Variants in TPP2 observed in about 807,000 individuals in gnomAD.
TPP2 encodes tripeptidyl peptidase 2, also known as tripeptidyl-peptidase 2.
A neutral mutation model predicts 155.9 loss-of-function variants in TPP2; 34 were observed. The ratio of observed to expected loss-of-function variants is 0.22; its 90% CI spans 0.17 to 0.29. The LOEUF (loss-of-function observed/expected upper bound fraction) is 0.29, where lower values mean the gene tolerates loss of function less well. Ranked by LOEUF, TPP2 falls within the 10% of genes least tolerant of loss-of-function variation. The pLI, the probability that TPP2 is intolerant of heterozygous loss-of-function variation, is 1.00. For synonymous variants in TPP2, 510 were observed against 529.4 expected (o/e 0.96, Z 0.50); for missense variants, 1,028 against 1,522.3 (o/e 0.68, Z 5.40).
chr13:102,609,593 C>T (rs1880117787), intron 2 of TPP2, among the ~76,000 whole-genome samples: 1 of 151,906 alleles, frequency 6.6e-6, no homozygotes, highest in Non-Finnish European at 1.5e-5. Flanking sequence ...GACAGGGTTT[C>T]ACCATGTTGG....
chr13:102,673,043 C>G (rs940665442), intron 27 of TPP2, among the ~76,000 whole-genome samples: 4 of 152,206 alleles, frequency 2.6e-5, no homozygotes, highest in Non-Finnish European at 5.9e-5. Flanking sequence ...CATTGCCTCC[C>G]TGCCCACTTT....
At chr13:102,614,005 T>C (rs933603203) in intron 2 of TPP2, 96 bp from the exon 3 acceptor site, 130 of 1,014,130 alleles carry the variant, frequency 1.3e-4, no homozygotes, top group Non-Finnish European at 1.8e-4. Context: ...TTTAAGCTTA[T>C]TAGAGTAGAA....
In TPP2 at chr13:102,620,439, A is replaced by T. The variant is rs1462405213; in HGVS notation, c.620+1593A>T. 2.0e-5 allele frequency among the ~76,000 whole-genome samples: 3 copies of T among 152,178 alleles called. No individual in the cohort carries two copies. In the East Asian group the frequency reaches 5.8e-4, roughly 29 times the overall value. ...TTTTTTGCATAATACAGTATATCCTATAGGGCTTTGATCTCAGAGATCCAA... is the reference window on the plus strand; with the variant it reads ...TTTTTTGCATAATACAGTATATCCTTTAGGGCTTTGATCTCAGAGATCCAA... On this transcript the variant is annotated intron_variant, in intron 5 of 29. Transcript: ENST00000376052.
chr13:102,628,027 G>A, intron 8 of TPP2, 103 bp downstream of exon 8: 1 of 892,870 alleles, frequency 1.1e-6, no homozygotes, highest in Non-Finnish European at 1.7e-6. Flanking sequence ...AGAAAGAACA[G>A]TTGCAGTGGT....
chr13:102,630,050 G>T lies in TPP2; in HGVS notation c.1145-46G>T, dbSNP rs528924185. On this transcript the variant is annotated intron_variant, in intron 9 of 29. Transcript: ENST00000376052. ...AAGTGAACAGTGGATTTGGAATCAGGATCCCCGTTTGTTTTCTTTTCTTAA... is the reference window on the plus strand; with the variant it reads ...AAGTGAACAGTGGATTTGGAATCAGTATCCCCGTTTGTTTTCTTTTCTTAA... 72 of 1,529,702 alleles carry T rather than the reference G, an allele frequency of 4.7e-5. No individual in the cohort carries two copies. The South Asian group carries it at 6.2e-4, about 13-fold the overall frequency. 94.8% of individuals were successfully genotyped at this position (1,529,702 alleles called of 1,614,324 possible). A position where few individuals can be genotyped will look rare whatever the true frequency, so the allele number is the denominator to read the frequency against.
chr13:102,614,357 T>C (rs1361318999), intron 3 of TPP2, among the ~76,000 whole-genome samples, 161 bp downstream of exon 3: 3 of 152,224 alleles, frequency 2.0e-5, no homozygotes, highest in Non-Finnish European at 4.4e-5. Flanking sequence ...AAGATTCTGC[T>C]CAATGGAATG....
intron 29 of TPP2, among the ~76,000 whole-genome samples, chr13:102,676,628 A>G (rs1432163237): frequency 1.3e-5 from 2 of 152,226 alleles, no homozygotes; most frequent in Admixed American, 6.5e-5. Context: ...TGCTATCCAA[A>G]AAACTGATAC....
intron 1 of TPP2, among the ~76,000 whole-genome samples, chr13:102,604,143 C>T (rs1490719671): frequency 6.6e-6 from 1 of 152,044 alleles, no homozygotes; most frequent in East Asian, 1.9e-4. Flanking sequence ...AACTTTGTTG[C>T]GTTTGAGGTG....
At chr13:102,610,132 G>A (rs1394707048) in intron 2 of TPP2, among the ~76,000 whole-genome samples, 2 of 152,172 alleles carry the variant, frequency 1.3e-5, no homozygotes, top group Non-Finnish European at 2.9e-5. Flanking sequence ...CTGACTAGTT[G>A]CATCTCTGCA....
rs1885473997 is a variant in TPP2 at position 102,679,066 on chromosome 13, T to C, written c.*750T>C. On this transcript the variant is annotated 3_prime_UTR_variant, in exon 30 of 30. Transcript: ENST00000376052. ...TATGTTTATTAAAATTGAAATAATG[T>C]AAAACACATGAATAAATTTGCAAAA... The C allele has an allele frequency of 6.6e-6, 1 of 152,590 alleles. No individual in the cohort carries two copies. The highest frequency in any genetic ancestry group is 1.5e-5 in the Non-Finnish European group (1 of 68,024). The allele number at this position is 152,590 out of a possible 1,614,324, so 9.5% of individuals were successfully genotyped here.
chr13:102,630,881 T>C (rs893437089), intron 10 of TPP2, among the ~76,000 whole-genome samples: 4 of 152,228 alleles, frequency 2.6e-5, no homozygotes, highest in Non-Finnish European at 5.9e-5. Flanking sequence ...ACTTTGAATT[T>C]AGTTCAGCAA....
At chr13:102,651,235 C>G (rs1035962298) in intron 23 of TPP2, 124 bp from the exon 24 acceptor site, 33 of 1,004,204 alleles carry the variant, frequency 3.3e-5, no homozygotes, top group African/African-American at 8.3e-5. Flanking sequence ...TAATCACAGA[C>G]CTGAGCCTTC....
At chr13:102,668,921 A>G (rs567185448) in intron 27 of TPP2, among the ~76,000 whole-genome samples, 43 of 152,202 alleles carry the variant, frequency 2.8e-4, no homozygotes, top group African/African-American at 9.4e-4. Context: ...ATCCAGGGCT[A>G]TGGGTCCCAC....
chr13:102,633,746 A>G (rs1882181712), intron 10 of TPP2, among the ~76,000 whole-genome samples: 1 of 152,222 alleles, frequency 6.6e-6, no homozygotes, highest in Admixed American at 6.5e-5. Flanking sequence ...TACAAGGAAA[A>G]AATAAATGCT....
rs1310961553 is a variant in TPP2, at chr13:102,664,799, G to A, written c.3245G>A (p.Arg1082Gln). 3.7e-6 allele frequency: 6 copies of A among 1,612,176 alleles called. No homozygotes were observed. Among genetic ancestry groups the A allele is most frequent in the South Asian group, 1.1e-5 (1 of 90,714 alleles). Reference protein sequence around the residue: ...RLHQLDAEKERMKRLNEIVDA... With the variant: ...RLHQLDAEKEQMKRLNEIVDA... Reference sequence around the variant, plus strand: ...TATTTCTTTTTTCCTCTCCAGGAACGAATGAAAAGACTTAATGAAATTGTT... The same window carrying A: ...TATTTCTTTTTTCCTCTCCAGGAACAAATGAAAAGACTTAATGAAATTGTT... The change falls in exon 27 of 30, where the codon CGA becomes CAA. Residue 1082 changes from arginine (R) to glutamine (Q), a missense_variant. Arg to Gln is a conservative substitution (Grantham distance 43). Coordinates refer to ENST00000376052, the MANE Select transcript of TPP2 (RefSeq NM_001330588.2).
intron 4 of TPP2, among the ~76,000 whole-genome samples, chr13:102,617,757 A>G (rs1447368484): frequency 2.6e-5 from 4 of 152,206 alleles, no homozygotes; most frequent in Admixed American, 6.5e-5. Flanking sequence ...ACCTTTTTCA[A>G]TAAATTGCCA....
chr13:102,629,761 C>A, intron 9 of TPP2, 152 bp downstream of exon 9: 1 of 1,105,844 alleles, frequency 9.0e-7, no homozygotes, highest in Non-Finnish European at 1.2e-6. Context: ...GGGGAACCAG[C>A]ACATCTAGAA....
chr13:102,636,417 T>C (rs1489590790), intron 13 of TPP2, 25 bp downstream of exon 13: 2 of 1,595,092 alleles, frequency 1.3e-6, no homozygotes, highest in South Asian at 2.3e-5. Flanking sequence ...GGCAGTAAGC[T>C]GACGTATTCA....
chr13:102,601,802 C>CT (rs1195694392), intron 1 of TPP2, among the ~76,000 whole-genome samples: 1 of 152,070 alleles, frequency 6.6e-6, no homozygotes, highest in African/African-American at 2.4e-5. Flanking sequence ...CTGTTTTTGT[C>CT]TTTTTATGTC....
Sources: gnomAD v4.1 joint callset for allele counts (sites outside exome capture counted in the v4.1 genomes callset) on GRCh38, gnomAD v4.1.1 for gene constraint, MANE v1.5 for transcripts, NCBI Gene and HGNC (gene_info 2026-07-23, HGNC 2026-07-21) for gene names.